Variants in SLC35F4 observed in about 807,000 individuals in gnomAD.
SLC35F4 encodes the protein solute carrier family 35 member F4, also known as chromosome 14 open reading frame 36.
Under a neutral mutation model 44.2 loss-of-function variants are expected in SLC35F4, and 24 were observed. The ratio of observed to expected loss-of-function variants is 0.54; its 90% CI spans 0.39 to 0.76. The LOEUF (loss-of-function observed/expected upper bound fraction) is 0.76. Ranked by LOEUF, SLC35F4 falls within the 30% of genes least tolerant of loss-of-function variation. SLC35F4 has a pLI of 0.00. For synonymous variants in SLC35F4, 238 were observed against 223.6 expected (o/e 1.06, Z -0.57); for missense variants, 562 against 586.1 (o/e 0.96, Z 0.42).
intron 1 of SLC35F4, among the ~76,000 whole-genome samples, chr14:57,739,829 C>T (rs949087300): frequency 2.6e-5 from 4 of 152,190 alleles, no homozygotes; most frequent in East Asian, 1.9e-4. Context: ...GGGCACCTAG[C>T]GTAGAGCCAA....
intron 5 of SLC35F4, 122 bp from the exon 6 acceptor site, chr14:57,570,102 G>C (rs1465710872): frequency 2.3e-6 from 2 of 875,848 alleles, no homozygotes; most frequent in African/African-American, 3.4e-5. Context: ...TTCTTGCCCT[G>C]ACATCTTCAC....
chr14:57,892,819 C>T (rs1437482988), intron 1 of SLC35F4, among the ~76,000 whole-genome samples: 1 of 152,048 alleles, frequency 6.6e-6, no homozygotes, highest in Non-Finnish European at 1.5e-5. Flanking sequence ...TTTTCTTTCT[C>T]CACAAATAAC....
chr14:57,905,066 C>G (rs1418398323), intron 1 of SLC35F4, among the ~76,000 whole-genome samples: 1 of 152,150 alleles, frequency 6.6e-6, no homozygotes, highest in Non-Finnish European at 1.5e-5. Context: ...TTGGGCGTGT[C>G]TTTGGCTAGG....
chr14:57,947,916 G>A (rs966789427), intron 1 of SLC35F4, among the ~76,000 whole-genome samples: 8 of 152,156 alleles, frequency 5.3e-5, no homozygotes, highest in Non-Finnish European at 1.0e-4. Flanking sequence ...TATGCTGTTG[G>A]ATTTGGTTAG....
chr14:57,908,119 A>G (rs906523805), intron 1 of SLC35F4, among the ~76,000 whole-genome samples: 11 of 152,178 alleles, frequency 7.2e-5, no homozygotes, highest in African/African-American at 2.7e-4. Flanking sequence ...AAAGGACATG[A>G]TCTCATTCAT....
At chr14:57,566,032 A>G (rs1296227480) in intron 7 of SLC35F4, among the ~76,000 whole-genome samples, 1 of 152,136 alleles carries the variant, frequency 6.6e-6, no homozygotes, top group Non-Finnish European at 1.5e-5. Flanking sequence ...TCTATTCCAG[A>G]GGGCCATCTG....
intron 1 of SLC35F4, among the ~76,000 whole-genome samples, chr14:57,792,791 G>A (rs1333295985): frequency 1.3e-5 from 2 of 152,016 alleles, no homozygotes; most frequent in Non-Finnish European, 2.9e-5. Flanking sequence ...GTGGGAGGGG[G>A]GTGAGGGATA....
chr14:57,770,939 A>G (rs1403182666), intron 1 of SLC35F4, among the ~76,000 whole-genome samples: 3 of 152,188 alleles, frequency 2.0e-5, no homozygotes, highest in Non-Finnish European at 4.4e-5. Context: ...CAAATGTCTT[A>G]ATATGAAAAA....
intron 1 of SLC35F4, among the ~76,000 whole-genome samples, chr14:57,961,969 C>G (rs1010301060): frequency 6.6e-6 from 1 of 152,134 alleles, no homozygotes; most frequent in African/African-American, 2.4e-5. Flanking sequence ...TTACCCAACA[C>G]CTGGAGCAGG....
chr14:57,970,446 C>G (rs944133004), intron 1 of SLC35F4, among the ~76,000 whole-genome samples: 3 of 152,128 alleles, frequency 2.0e-5, no homozygotes, highest in African/African-American at 7.2e-5. Flanking sequence ...GCTCAGAAAG[C>G]CTGCATGACA....
intron 1 of SLC35F4, among the ~76,000 whole-genome samples, chr14:57,770,976 A>T (rs1367075552): frequency 6.6e-6 from 1 of 152,170 alleles, no homozygotes; most frequent in East Asian, 1.9e-4. Flanking sequence ...TCACATGTCA[A>T]AACTTCACTG....
intron 1 of SLC35F4, among the ~76,000 whole-genome samples, chr14:57,932,862 C>G (rs1566932784): frequency 6.6e-6 from 1 of 152,104 alleles, no homozygotes; most frequent in East Asian, 1.9e-4. Flanking sequence ...TGATTTGAAG[C>G]TGATCTCTCT....
downstream of SLC35F4, among the ~76,000 whole-genome samples, chr14:57,975,904 G>T (rs545615909): frequency 6.6e-6 from 1 of 152,348 alleles, no homozygotes; most frequent in Non-Finnish European, 1.5e-5. Flanking sequence ...ATACTGGTCA[G>T]CAAGACTTAT....
chr14:57,584,355 TCTG>T (rs1268261108), intron 3 of SLC35F4, among the ~76,000 whole-genome samples: 11 of 152,174 alleles, frequency 7.2e-5, no homozygotes, highest in African/African-American at 2.4e-4. Context: ...GAAAATAGAT[TCTG>T]GTGCTATGGG....
chr14:57,796,636 C>T (rs1304708326), intron 1 of SLC35F4, among the ~76,000 whole-genome samples: 1 of 152,160 alleles, frequency 6.6e-6, no homozygotes, highest in African/African-American at 2.4e-5. Context: ...AATTTTAGTT[C>T]TTCCTCTTAA....
At chr14:57,865,640 C>A in intron 1 of SLC35F4, 83 bp downstream of exon 1, 2 of 1,202,684 alleles carry the variant, frequency 1.7e-6, no homozygotes, top group Non-Finnish European at 2.3e-6. Flanking sequence ...GTACCGCGCG[C>A]CCGCCCGTCC....
chr14:57,900,294 A>G (rs1284392325), intron 1 of SLC35F4, among the ~76,000 whole-genome samples: 1 of 152,228 alleles, frequency 6.6e-6, no homozygotes. Flanking sequence ...ATTGTCCCAC[A>G]GCTCCAGCAA....
At chr14:57,620,142 C>T (rs1414857112) in intron 1 of SLC35F4, among the ~76,000 whole-genome samples, 1 of 152,076 alleles carries the variant, frequency 6.6e-6, no homozygotes, top group African/African-American at 2.4e-5. Flanking sequence ...AGGAGAACTT[C>T]CCCAACCTAG....
At chr14:57,982,743 C>G (rs560947374), upstream of SLC35F4, among the ~76,000 whole-genome samples, 1 of 152,016 alleles carries the variant, frequency 6.6e-6, no homozygotes, top group South Asian at 2.1e-4. Context: ...ACTTTAAGTT[C>G]TGGGATACAT....
Sources: allele counts gnomAD v4.1 joint callset (sites outside exome capture counted in the v4.1 genomes callset), GRCh38; gene constraint gnomAD v4.1.1; transcripts MANE v1.5; gene names NCBI Gene and HGNC (gene_info 2026-07-23, HGNC 2026-07-21).